TUSC3: variants seen among roughly 807,000 people sequenced by gnomAD.
TUSC3 encodes the protein dolichyl-diphosphooligosaccharide--protein glycosyltransferase subunit TUSC3.
A neutral mutation model predicts 44.8 loss-of-function variants in TUSC3; 45 were observed. The ratio of observed to expected loss-of-function variants is 1.00; its 90% confidence interval spans 0.79 to 1.29. The LOEUF (loss-of-function observed/expected upper bound fraction) is 1.29, where lower values mean the gene tolerates loss of function less well. Among genes scored for constraint, TUSC3 ranks in the 50% most tolerant of loss-of-function variants. The pLI is 0.00. For synonymous variants in TUSC3, 212 were observed against 152.9 expected (o/e 1.39, Z -2.85); for missense variants, 519 against 437.9 (o/e 1.19, Z -1.65).
At chr8:15,517,852 G>A (rs1034727669) in intron 2 of TUSC3, among the ~76,000 whole-genome samples, 2 of 151,388 alleles carry the variant, frequency 1.3e-5, no homozygotes, top group African/African-American at 4.8e-5. Flanking sequence ...TTTTTCTTCT[G>A]ATATAATTCA....
At chr8:15,748,830 C>G (rs1247956473) in intron 9 of TUSC3, 2 of 453,914 alleles carry the variant, frequency 4.4e-6, no homozygotes, top group Non-Finnish European at 8.7e-6. Context: ...GTCTAATAAA[C>G]TTTGTATTAT....
chr8:15,809,786 T>C, the TUSC3 span, among the ~76,000 whole-genome samples: 1 of 152,230 alleles, frequency 6.6e-6, no homozygotes, highest in Non-Finnish European at 1.5e-5. Context: ...ACTGTAATTA[T>C]ATTACTTAAC....
chr8:15,769,546 A>C (rs1012487657), downstream of TUSC3, among the ~76,000 whole-genome samples: 1 of 152,202 alleles, frequency 6.6e-6, no homozygotes, highest in African/African-American at 2.4e-5. Flanking sequence ...AAAACACCAA[A>C]ATCAATGGCA....
At chr8:15,732,411 G>C (rs1182611508) in intron 7 of TUSC3, among the ~76,000 whole-genome samples, 1 of 152,164 alleles carries the variant, frequency 6.6e-6, no homozygotes, top group East Asian at 1.9e-4. Flanking sequence ...TCTAAGATGT[G>C]CCTTTCACCA....
intron 1 of TUSC3, among the ~76,000 whole-genome samples, chr8:15,617,682 T>C (rs887584378): frequency 1.3e-5 from 2 of 152,234 alleles, no homozygotes; most frequent in Admixed American, 6.5e-5. Flanking sequence ...ACAGCTTCTT[T>C]TTCTCTTTGG....
intron 1 of TUSC3, among the ~76,000 whole-genome samples, chr8:15,609,742 CAACA>C (rs1230973701): frequency 7.1e-6 from 1 of 141,370 alleles, no homozygotes; most frequent in Non-Finnish European, 1.6e-5. Context: ...GTCAGGAGGA[CAACA>C]AACATTTAAA....
At chr8:15,524,056 CAA>C (rs35388650) in intron 2 of TUSC3, among the ~76,000 whole-genome samples, 2 of 135,720 alleles carry the variant, frequency 1.5e-5, no homozygotes, top group Non-Finnish European at 1.6e-5. Flanking sequence ...GACTCCGTCT[CAA>C]AAAAAAAAAA....
In TUSC3 at chr8:15,607,316, A is replaced by C. The variant is rs544105257; in HGVS notation, c.139-15764A>C. On this transcript the variant is annotated intron_variant, in intron 1 of 10. Transcript: ENST00000503731. ...ATACAGTGATGGTAGAGACAGTTCT[A>C]GGCTCTCAAGAATTTATAATTTAGT... Among the ~76,000 whole-genome samples the C allele has an allele frequency of 5.1e-4, 78 of 152,162 alleles. 2 individuals carry two copies. Among genetic ancestry groups the C allele is most frequent in the Non-Finnish European group, 1.9e-4 (13 of 68,024 alleles).
At chr8:15,834,068 G>A in the TUSC3 span, among the ~76,000 whole-genome samples, 1 of 151,618 alleles carries the variant, frequency 6.6e-6, no homozygotes, top group Non-Finnish European at 1.5e-5. Flanking sequence ...AGCTTTTATG[G>A]TTTTATATTT....
intron 1 of TUSC3, among the ~76,000 whole-genome samples, chr8:15,621,138 G>T (rs1313300237): frequency 6.6e-6 from 1 of 151,874 alleles, no homozygotes; most frequent in Non-Finnish European, 1.5e-5. Flanking sequence ...TCCATAGAGG[G>T]TCACAGTCTC....
At chr8:15,617,080 C>T (rs1034362424) in intron 1 of TUSC3, among the ~76,000 whole-genome samples, 1 of 144,584 alleles carries the variant, frequency 6.9e-6, no homozygotes, top group Admixed American at 6.9e-5. Context: ...AATCCACTCA[C>T]TCATACAAGT....
chr8:15,459,455 G>A (rs1205190753), intron 1 of TUSC3, among the ~76,000 whole-genome samples: 1 of 151,864 alleles, frequency 6.6e-6, no homozygotes, highest in African/African-American at 2.4e-5. Flanking sequence ...CAAGAATCCT[G>A]CTTTATTTGA....
the TUSC3 span, among the ~76,000 whole-genome samples, chr8:15,846,195 A>T: frequency 6.6e-6 from 1 of 152,160 alleles, no homozygotes; most frequent in Non-Finnish European, 1.5e-5. Flanking sequence ...AAACCATATC[A>T]ACTCCGAGGG....
At chr8:15,654,789 T>C (rs1235636322) in intron 3 of TUSC3, among the ~76,000 whole-genome samples, 1 of 151,864 alleles carries the variant, frequency 6.6e-6, no homozygotes, top group Non-Finnish European at 1.5e-5. Flanking sequence ...ACAGCAAGAC[T>C]CCATCTCAAA....
At chr8:15,835,170 C>T in the TUSC3 span, among the ~76,000 whole-genome samples, 1 of 152,100 alleles carries the variant, frequency 6.6e-6, no homozygotes, top group Non-Finnish European at 1.5e-5. Flanking sequence ...TTTTTGAAAT[C>T]ACTTTCATAA....
chr8:15,796,253 G>C, the TUSC3 span, among the ~76,000 whole-genome samples: 1 of 152,146 alleles, frequency 6.6e-6, no homozygotes, highest in Non-Finnish European at 1.5e-5. Flanking sequence ...CTTCCAGCTG[G>C]TCTTACCAGA....
At chr8:15,531,482 C>G (rs1029101746) in intron 2 of TUSC3, among the ~76,000 whole-genome samples, 2 of 152,196 alleles carry the variant, frequency 1.3e-5, no homozygotes, top group African/African-American at 2.4e-5. Flanking sequence ...GAACTCCTGA[C>G]CTCAGGTGAT....
At chr8:15,675,364 A>G (rs1470139964) in intron 6 of TUSC3, among the ~76,000 whole-genome samples, 2 of 152,050 alleles carry the variant, frequency 1.3e-5, no homozygotes, top group Admixed American at 1.3e-4. Context: ...GTTAAAGTAT[A>G]CGAAAAGTTA....
At chr8:15,445,637 A>C (rs546940700) in intron 1 of TUSC3, among the ~76,000 whole-genome samples, 1 of 152,354 alleles carries the variant, frequency 6.6e-6, no homozygotes, top group South Asian at 2.1e-4. Context: ...GTTGGGGGTA[A>C]GGTTATAGAT....
Sources: gnomAD v4.1 joint callset for allele counts (sites outside exome capture counted in the v4.1 genomes callset) on GRCh38, gnomAD v4.1.1 for gene constraint, MANE v1.5 for transcripts, NCBI Gene and HGNC (gene_info 2026-07-23, HGNC 2026-07-21) for gene names.